Variants in WWTR1 observed in about 807,000 individuals in gnomAD.
The protein encoded by WWTR1 is WW domain-containing transcription regulator protein 1.
WWTR1 carries 13 observed loss-of-function variants against 40.1 expected under a neutral mutation model. That is an observed-to-expected ratio of 0.32 (90% CI 0.21 to 0.52). The LOEUF is 0.52. Ranked by LOEUF, WWTR1 falls within the 20% of genes least tolerant of loss-of-function variation. The pLI, the probability that WWTR1 is intolerant of heterozygous loss-of-function variation, is 0.97. For missense variants in WWTR1, 436 were observed against 523.1 expected (o/e 0.83, Z 1.63); for synonymous variants, 230 against 210.1 (o/e 1.09, Z -0.82).
intron 1 of WWTR1, among the ~76,000 whole-genome samples, chr3:149,687,940 A>C (rs943123607): frequency 6.6e-6 from 1 of 151,954 alleles, no homozygotes. Flanking sequence ...TGTGCCTTGA[A>C]TAAACATCAG....
intron 3 of WWTR1, among the ~76,000 whole-genome samples, chr3:149,554,067 G>T (rs1458634406): frequency 6.6e-6 from 1 of 152,006 alleles, no homozygotes; most frequent in East Asian, 1.9e-4. Context: ...CAAAAAAAAA[G>T]CAGCTTTTCA....
In WWTR1 at chr3:149,690,292, G is replaced by T. The variant is rs1213440346; in HGVS notation, c.-108+12832C>A. ...ACCAACGATAACATTGACTGTAAAT[G>T]AACTAAACTCTCCAATCAAAAGACA... is the stretch of plus-strand genomic sequence containing the variant. On this transcript the variant is annotated intron_variant, in intron 1 of 7. Coordinates refer to the WWTR1 transcript ENST00000465804. Among the ~76,000 whole-genome samples, 7 of 152,172 alleles carry T rather than the reference G, an allele frequency of 4.6e-5. No homozygotes were observed. In the South Asian group the frequency reaches 1.4e-3, roughly 32 times the overall value.
intron 6 of WWTR1, among the ~76,000 whole-genome samples, chr3:149,523,514 C>T (rs935052364): frequency 7.9e-5 from 12 of 152,332 alleles, no homozygotes; most frequent in African/African-American, 2.9e-4. Context: ...TACCAAAGTG[C>T]TGGGATTACA....
At position 149,561,875 on chromosome 3, in the gene WWTR1, A is replaced by C. The variant is rs573428928; in HGVS notation, c.568+10989T>G. 4.6e-5 allele frequency among the ~76,000 whole-genome samples: 7 copies of C among 152,332 alleles called. No homozygotes were observed. The South Asian group carries it at 1.0e-3, about 23-fold the overall frequency. ...GTAGTGTTTCCCTGGAAAGGAGAAA[A>C]GGGCTGGGGGTCATGGTGGGAAGGA... On this transcript the variant is annotated intron_variant, in intron 3 of 6. Coordinates refer to ENST00000360632, the MANE Select transcript of WWTR1 (RefSeq NM_015472.6).
At chr3:149,546,282 C>T (rs767039213) in intron 3 of WWTR1, among the ~76,000 whole-genome samples, 1 of 152,202 alleles carries the variant, frequency 6.6e-6, no homozygotes, top group Admixed American at 6.5e-5. Context: ...AAGCACATAT[C>T]AACAGAGCAG....
intron 3 of WWTR1, among the ~76,000 whole-genome samples, chr3:149,566,398 T>TTTTG (rs1388623407): frequency 1.3e-5 from 2 of 152,158 alleles, no homozygotes; most frequent in Admixed American, 6.5e-5. Context: ...ATGGGTATTT[T>TTTTG]TTTGTTTGTT....
intron 2 of WWTR1, among the ~76,000 whole-genome samples, chr3:149,601,386 G>C (rs1739235548): frequency 6.6e-6 from 1 of 152,060 alleles, no homozygotes; most frequent in African/African-American, 2.4e-5. Context: ...TTAGTAAAGA[G>C]GGGGCTTCAC....
At chr3:149,547,254 G>T (rs1178500670) in intron 3 of WWTR1, among the ~76,000 whole-genome samples, 1 of 151,056 alleles carries the variant, frequency 6.6e-6, no homozygotes, top group Non-Finnish European at 1.5e-5. Context: ...GCTAGGCGAG[G>T]TGGCTTACGT....
chr3:149,693,272 G>A (rs77227301), intron 1 of WWTR1, among the ~76,000 whole-genome samples: 3,367 of 152,136 alleles, frequency 0.022, 69 homozygotes, highest in South Asian at 0.093. Context: ...TAAGCTTAAC[G>A]AAAGAAGTGG....
chr3:149,533,075 C>T (rs1036624317), intron 4 of WWTR1, among the ~76,000 whole-genome samples: 18 of 152,188 alleles, frequency 1.2e-4, no homozygotes, highest in African/African-American at 4.1e-4. Flanking sequence ...CACTCATTTC[C>T]CACTGTGCTC....
intron 2 of WWTR1, among the ~76,000 whole-genome samples, chr3:149,593,421 T>C (rs1738831982): frequency 6.6e-6 from 1 of 152,024 alleles, no homozygotes; most frequent in South Asian, 2.1e-4. Context: ...CTCATTGTAA[T>C]TACTTGCCCC....
intron 2 of WWTR1, among the ~76,000 whole-genome samples, chr3:149,607,566 G>C (rs1261027623): frequency 6.6e-6 from 1 of 152,030 alleles, no homozygotes; most frequent in Non-Finnish European, 1.5e-5. Context: ...CGCCCGCCTC[G>C]GCCTCCCAAA....
intron 3 of WWTR1, among the ~76,000 whole-genome samples, chr3:149,546,082 T>C (rs1736351027): frequency 6.6e-6 from 1 of 152,222 alleles, no homozygotes; most frequent in South Asian, 2.1e-4. Context: ...AGAGGAGCTC[T>C]TCCCAAGCCA....
At chr3:149,673,463 A>G (rs1042688554) in intron 1 of WWTR1, among the ~76,000 whole-genome samples, 10 of 152,158 alleles carry the variant, frequency 6.6e-5, no homozygotes, top group African/African-American at 2.2e-4. Flanking sequence ...GTTACCCCCA[A>G]TTTTAGAGGG....
chr3:149,685,635 C>A (rs1381041768), intron 1 of WWTR1, among the ~76,000 whole-genome samples: 1 of 152,178 alleles, frequency 6.6e-6, no homozygotes, highest in African/African-American at 2.4e-5. Flanking sequence ...CCCCTTTTAC[C>A]ACCAGTCATC....
In WWTR1 at chr3:149,656,924, G is replaced by T; in HGVS notation, c.383C>A (p.Pro128Gln). Residue 128 changes from proline (P) to glutamine (Q), a missense_variant, in exon 2 of 7, where the codon CCG becomes CAG. By Grantham distance (76) the Pro-to-Gln change is moderately conservative. Transcript: ENST00000360632. ...YDVTDELPLP[P>Q]GWEMTFTATG... is the part of the protein sequence containing the mutation. ...GGCCGTGAAGGTCATCTCCCAGCCCGGGGGCAGTGGCAGCTCGTCGGTCAC... is the reference window on the plus strand; with the variant it reads ...GGCCGTGAAGGTCATCTCCCAGCCCTGGGGCAGTGGCAGCTCGTCGGTCAC... 1 of 1,564,678 alleles carries T rather than the reference G, an allele frequency of 6.4e-7. No individual in the cohort carries two copies. The highest frequency in any genetic ancestry group is 8.6e-7 in the Non-Finnish European group (1 of 1,159,220).
intron 1 of WWTR1, among the ~76,000 whole-genome samples, chr3:149,701,224 GAA>G (rs955262317): frequency 1.1e-4 from 16 of 152,070 alleles, no homozygotes; most frequent in Non-Finnish European, 8.8e-5. Context: ...TCTTAAAAGA[GAA>G]AGTAAAGCAT....
intron 2 of WWTR1, among the ~76,000 whole-genome samples, chr3:149,665,647 T>C (rs1403393883): frequency 6.6e-6 from 1 of 152,174 alleles, no homozygotes; most frequent in African/African-American, 2.4e-5. Context: ...ACCTGAAAAA[T>C]GTTTTTAAGA....
rs1353447358 is a variant in WWTR1 at position 149,667,898 on chromosome 3, A to AT, written c.-4+1889_-4+1890insA. On this transcript the variant is annotated intron_variant, in intron 2 of 7. Coordinates refer to the WWTR1 transcript ENST00000465804. Reference sequence around the variant, plus strand: ...AGAATCTGAAGATATTTGAAAAGAGAATTAAAACATCTTGATAAGATACCA... The same window carrying AT: ...AGAATCTGAAGATATTTGAAAAGAGATATTAAAACATCTTGATAAGATACCA... 3.9e-5 allele frequency among the ~76,000 whole-genome samples: 6 copies of AT among 152,312 alleles called. No individual in the cohort carries two copies. The East Asian group carries it at 1.2e-3, about 29-fold the overall frequency.
Sources: gnomAD v4.1 joint callset for allele counts (sites outside exome capture counted in the v4.1 genomes callset) on GRCh38, gnomAD v4.1.1 for gene constraint, MANE v1.5 for transcripts, NCBI Gene and HGNC (gene_info 2026-07-23, HGNC 2026-07-21) for gene names.